KLHL29: variants seen among roughly 807,000 people sequenced by gnomAD.
KLHL29 encodes kelch like family member 29.
KLHL29 carries 21 observed loss-of-function variants against 80.4 expected under a neutral mutation model. The ratio of observed to expected loss-of-function variants is 0.26; its 90% CI spans 0.19 to 0.38. The LOEUF is 0.38. KLHL29 is among the 10% of genes least tolerant of loss of function. KLHL29 has a pLI of 1.00. For missense variants in KLHL29, 867 were observed against 1,223.9 expected, an observed-to-expected ratio of 0.71 and a Z score of 4.35; for synonymous variants, 511 against 526.8, an observed-to-expected ratio of 0.97 and a Z score of 0.41.
At chr2:23,425,111 A>T (rs1662969696) in intron 1 of KLHL29, among the ~76,000 whole-genome samples, 1 of 152,248 alleles carries the variant, frequency 6.6e-6, no homozygotes, top group South Asian at 2.1e-4. Context: ...AACGTTATTA[A>T]AAAATGGTCT....
At chr2:23,432,062 C>G (rs1212974262) in intron 1 of KLHL29, among the ~76,000 whole-genome samples, 1 of 152,176 alleles carries the variant, frequency 6.6e-6, no homozygotes, top group Non-Finnish European at 1.5e-5. Context: ...ATCACCATTT[C>G]TCGAAGTTTC....
chr2:23,645,075 G>A (rs912914202), intron 5 of KLHL29, among the ~76,000 whole-genome samples: 2 of 152,134 alleles, frequency 1.3e-5, no homozygotes, highest in African/African-American at 2.4e-5. Flanking sequence ...TGACGCACGC[G>A]CCTACAAATG....
intron 3 of KLHL29, among the ~76,000 whole-genome samples, chr2:23,630,023 G>A (rs1273473801): frequency 6.6e-6 from 1 of 152,196 alleles, no homozygotes; most frequent in Non-Finnish European, 1.5e-5. Flanking sequence ...GTTTCCAGAA[G>A]GAAGAAGGAG....
intron 3 of KLHL29, among the ~76,000 whole-genome samples, chr2:23,570,425 G>A (rs981683410): frequency 4.6e-5 from 7 of 152,226 alleles, no homozygotes; most frequent in Non-Finnish European, 1.0e-4. Flanking sequence ...GTTCGTTGCA[G>A]TCCCTTAAGA....
intron 1 of KLHL29, among the ~76,000 whole-genome samples, chr2:23,407,489 C>T (rs1217287110): frequency 1.3e-5 from 2 of 151,506 alleles, no homozygotes; most frequent in Non-Finnish European, 2.9e-5. Context: ...TTTTTAAGAG[C>T]TCTTTATGCA....
rs758437509 is a variant in KLHL29, at chr2:23,693,301, G to A, written c.1315G>A (p.Val439Met). ...KQLTASNCLGVLAMAEAMQCS... is the reference protein window; with the variant it reads ...KQLTASNCLGMLAMAEAMQCS... Reference sequence around the variant, plus strand: ...GCTGACGGCCAGCAACTGCCTGGGCGTGCTGGCCATGGCCGAGGCCATGCA... The same window carrying A: ...GCTGACGGCCAGCAACTGCCTGGGCATGCTGGCCATGGCCGAGGCCATGCA... Residue 439 changes from valine (V) to methionine (M), a missense_variant, in exon 8 of 14, where the codon GTG (valine) becomes ATG (methionine). Val to Met is a conservative substitution (Grantham distance 21, BLOSUM62 1). Around this residue, in one of 2 missense-constraint regions of KLHL29, gnomAD observed 443 missense variants for 767.0 expected, o/e 0.58. Transcript: ENST00000486442. The A allele has an allele frequency of 9.7e-6, 15 of 1,546,110 alleles. No individual in the cohort carries two copies. The highest frequency in any genetic ancestry group is 4.1e-5 in the African/African-American group (3 of 72,966).
At chr2:23,494,471 C>G (rs1192821520) in intron 2 of KLHL29, among the ~76,000 whole-genome samples, 1 of 152,204 alleles carries the variant, frequency 6.6e-6, no homozygotes, top group Non-Finnish European at 1.5e-5. Context: ...CGCCACAGGC[C>G]TGAGCATCTT....
At chr2:23,640,001 C>T (rs550827133) in intron 4 of KLHL29, among the ~76,000 whole-genome samples, 63 of 152,286 alleles carry the variant, frequency 4.1e-4, no homozygotes, top group African/African-American at 7.9e-4. Context: ...GTGGTCTGCC[C>T]GGCACATGCT....
In KLHL29 at chr2:23,642,401, A is replaced by G. The variant is rs1306327774; in HGVS notation, c.491A>G (p.Tyr164Cys). 4 of 1,480,272 alleles carry G rather than the reference A, an allele frequency of 2.7e-6. 1 individual carries two copies. Among genetic ancestry groups the G allele is most frequent in the South Asian group, 2.7e-5 (2 of 73,198 alleles). 91.7% of individuals were successfully genotyped at this position (1,480,272 alleles called of 1,614,324 possible). A position where few individuals can be genotyped will look rare whatever the true frequency, so the allele number is the denominator to read the frequency against. Residue 164 changes from tyrosine (Y) to cysteine (C), a missense_variant, in exon 5 of 14, where the codon TAT (tyrosine) becomes TGT (cysteine). By Grantham distance (194) the Tyr-to-Cys change is radical. This residue lies in a region of KLHL29 where 424 missense variants were observed against 456.9 expected (regional missense o/e 0.93). Coordinates refer to ENST00000486442, the MANE Select transcript of KLHL29 (RefSeq NM_052920.2). ...CAGCCCACCCTGATTGCACACTCCT[A>G]TGGAGTGGCCCAGCCTCCCACCTTC... is the stretch of plus-strand genomic sequence containing the variant. ...GNQPTLIAHS[Y>C]GVAQPPTFSP...
At chr2:23,429,120 C>T (rs1236399628) in intron 1 of KLHL29, among the ~76,000 whole-genome samples, 2 of 152,248 alleles carry the variant, frequency 1.3e-5, no homozygotes, top group African/African-American at 2.4e-5. Flanking sequence ...TCCCCAACAC[C>T]AGCCTGCACT....
At chr2:23,705,135 TGCAGACAACTGGA>T (rs1202154262) in intron 13 of KLHL29, among the ~76,000 whole-genome samples, 3 of 152,356 alleles carry the variant, frequency 2.0e-5, no homozygotes, top group African/African-American at 7.2e-5. Flanking sequence ...CGTCCACTGA[TGCAGACAACTGGA>T]GCATTGCGCT....
chr2:23,468,479 C>T (rs1317407214), intron 1 of KLHL29, among the ~76,000 whole-genome samples: 3 of 152,200 alleles, frequency 2.0e-5, no homozygotes, highest in Non-Finnish European at 4.4e-5. Context: ...ATTCTGTTCC[C>T]ATCATTCCTC....
At chr2:23,463,078 T>A (rs955558153) in intron 1 of KLHL29, among the ~76,000 whole-genome samples, 9 of 151,886 alleles carry the variant, frequency 5.9e-5, no homozygotes, top group African/African-American at 1.9e-4. Context: ...CATGTTTTTT[T>A]TTCAGTGTAG....
intron 3 of KLHL29, chr2:23,617,575 A>T (rs1572441807): frequency 6.6e-6 from 1 of 152,212 alleles, no homozygotes; most frequent in Non-Finnish European, 1.5e-5. Context: ...TTCAGGTTAT[A>T]TAAAAGGGCA....
chr2:23,422,586 T>TCTGTGTCTCTGTGTTGTGTGC (rs1662850006), intron 1 of KLHL29, among the ~76,000 whole-genome samples: 2 of 151,850 alleles, frequency 1.3e-5, no homozygotes, highest in African/African-American at 2.4e-5. Flanking sequence ...TGTCTGTGTG[T>TCTGTGTCTCTGTGTTGTGTGC]CTGTGTCTCT....
intron 1 of KLHL29, among the ~76,000 whole-genome samples, chr2:23,412,781 A>C (rs925836704): frequency 2.6e-5 from 4 of 152,182 alleles, no homozygotes; most frequent in African/African-American, 9.7e-5. Flanking sequence ...ACGGGATGCT[A>C]TGAGGACCAC....
intron 3 of KLHL29, among the ~76,000 whole-genome samples, chr2:23,568,154 ATGTATTTTGCCACACT>A (rs113565131): frequency 0.019 from 2,930 of 152,240 alleles, 117 homozygotes; most frequent in African/African-American, 0.067. Flanking sequence ...AGGGAAGAAG[ATGTATTTTGCCACACT>A]TGTAAGAGAC....
intron 1 of KLHL29, among the ~76,000 whole-genome samples, chr2:23,395,480 C>T (rs1192178779): frequency 1.3e-5 from 2 of 152,212 alleles, no homozygotes; most frequent in African/African-American, 2.4e-5. Context: ...GGCATGGTGG[C>T]TCACGCCTGT....
intron 1 of KLHL29, among the ~76,000 whole-genome samples, chr2:23,432,135 T>G (rs1663199703): frequency 6.6e-6 from 1 of 152,222 alleles, no homozygotes; most frequent in Admixed American, 6.5e-5. Context: ...GTGCTATCAT[T>G]TCATTTTACT....
Sources: allele counts gnomAD v4.1 joint callset (sites outside exome capture counted in the v4.1 genomes callset), GRCh38; gene constraint gnomAD v4.1.1; regional missense constraint gnomAD v4.1.1; transcripts MANE v1.5; gene names NCBI Gene and HGNC (gene_info 2026-07-23, HGNC 2026-07-21).